The following HSF1 variants were observed in gnomAD, a reference collection of about 807,000 sequenced individuals.
HSF1 encodes the protein heat shock factor protein 1.
Under a neutral mutation model 51.7 loss-of-function variants are expected in HSF1, and 32 were observed. The ratio of observed to expected loss-of-function variants is 0.62; its 90% confidence interval spans 0.47 to 0.83. The LOEUF (loss-of-function observed/expected upper bound fraction) is 0.83, where lower values mean the gene tolerates loss of function less well. Ranked by LOEUF, HSF1 falls within the 40% of genes least tolerant of loss-of-function variation. The pLI is 0.00. For missense variants in HSF1, 727 were observed against 717.0 expected (o/e 1.01, Z -0.16); for synonymous variants, 396 against 309.7 (o/e 1.28, Z -2.92).
intron 2 of HSF1, 27 bp downstream of exon 2, chr8:144,309,041 G>GTCT: frequency 1.3e-6 from 2 of 1,539,304 alleles, no homozygotes; most frequent in Non-Finnish European, 1.8e-6. Flanking sequence ...GGCAGCGCAG[G>GTCT]GGTGCGGGAG....
chr8:144,300,907 A>C (rs150253719), intron 1 of HSF1, among the ~76,000 whole-genome samples: 2 of 152,322 alleles, frequency 1.3e-5, no homozygotes, highest in East Asian at 3.8e-4. Flanking sequence ...CATGTATTCT[A>C]AAGTAAAAAG....
In HSF1 at chr8:144,311,994, A is replaced by C. The variant is rs1554844780; in HGVS notation, c.892A>C (p.Lys298Gln). 4.4e-6 allele frequency: 7 copies of C among 1,593,486 alleles called. No individual in the cohort carries two copies. Among genetic ancestry groups the C allele is most frequent in the South Asian group, 2.2e-5 (2 of 89,624 alleles). The change falls in exon 9 of 13, where the codon AAG (lysine) becomes CAG (glutamine). Residue 298 changes from lysine (K) to glutamine (Q), a missense_variant. Around this residue, in one of 2 missense-constraint regions of HSF1, gnomAD observed 470 missense variants for 398.8 expected, o/e 1.18. Transcript: ENST00000528838. Reference sequence around the variant, plus strand: ...ATCCAGCAGCCCCCTGGTGCGTGTCAAGGAGGAGCCCCCCAGCCCGCCTCA... The same window carrying C: ...ATCCAGCAGCCCCCTGGTGCGTGTCCAGGAGGAGCCCCCCAGCCCGCCTCA... ...PLSSSPLVRV[K>Q]EEPPSPPQSP...
Position 144,301,904 on chromosome 8 carries a change from G to GC in HSF1, c.118-7002_118-7001insC, listed in dbSNP as rs1564614910. On this transcript the variant is annotated intron_variant, in intron 1 of 12. Transcript: ENST00000528838. ...GCATCCAGAAGAGCCGTGCACGGTG[G>GC]TGGTGCCTGTGGTGCCAGCTACTCA... Among the ~76,000 whole-genome samples, 89 of 150,196 alleles carry GC rather than the reference G, an allele frequency of 5.9e-4. 6 individuals are homozygous for GC. In the South Asian group the frequency reaches 0.013, roughly 22 times the overall value.
At chr8:144,300,895 G>A (rs545051030) in intron 1 of HSF1, among the ~76,000 whole-genome samples, 1 of 152,276 alleles carries the variant, frequency 6.6e-6, no homozygotes, top group Admixed American at 6.5e-5. Context: ...ACTGGTGTAG[G>A]GCATGTATTC....
rs1554844818 is a variant in HSF1, at chr8:144,312,033, G to A, written c.931G>A (p.Glu311Lys). Reference sequence around the variant, plus strand: ...CAGCCCGCCTCAGAGCCCCCGGGTAGAGGAGGCGAGTCCCGGGCGCCCATC... The same window carrying A: ...CAGCCCGCCTCAGAGCCCCCGGGTAAAGGAGGCGAGTCCCGGGCGCCCATC... ...PPSPPQSPRV[E>K]EASPGRPSSV... Residue 311 changes from glutamate (E) to lysine (K), a missense_variant, in exon 9 of 13, where the codon GAG becomes AAG. Around this residue, in one of 2 missense-constraint regions of HSF1, gnomAD observed 470 missense variants for 398.8 expected, o/e 1.18. Transcript: ENST00000528838. 6.2e-7 allele frequency: 1 copy of A among 1,608,062 alleles called. No individual in the cohort carries two copies. Among genetic ancestry groups the A allele is most frequent in the Admixed American group, 1.7e-5 (1 of 59,906 alleles).
At chr8:144,299,432 TTC>T (rs1815707885) in intron 1 of HSF1, among the ~76,000 whole-genome samples, 2 of 125,170 alleles carry the variant, frequency 1.6e-5, no homozygotes, top group Non-Finnish European at 3.8e-5. Flanking sequence ...GCAAGACTCC[TTC>T]TAAAAAAAAA....
chr8:144,313,461 G>A, intron 9 of HSF1, 50 bp from the exon 10 acceptor site: 1 of 1,218,110 alleles, frequency 8.2e-7, no homozygotes, highest in Non-Finnish European at 1.2e-6. Context: ...GAGGGCATTG[G>A]GGTGTGGGGC....
intron 1 of HSF1, among the ~76,000 whole-genome samples, chr8:144,306,806 T>C (rs1816255205): frequency 6.6e-6 from 1 of 152,246 alleles, no homozygotes; most frequent in Non-Finnish European, 1.5e-5. Context: ...GTTGCGTTCT[T>C]TCTTGTTTAT....
In HSF1 at chr8:144,312,639, C is replaced by T. The variant is rs1450281847; in HGVS notation, c.1142+395C>T. 6 of 1,535,288 alleles carry T rather than the reference C, an allele frequency of 3.9e-6. No homozygotes were observed. In the East Asian group the frequency reaches 9.8e-5, roughly 25 times the overall value. On this transcript the variant is annotated intron_variant, in intron 9 of 12. Transcript: ENST00000528838. ...TTTGTATCTTGCAGTTTGGCTCGCA[C>T]TCCACAGATGTCTAGGGTCGCCCGC...
At chr8:144,306,602 A>T (rs1554843361) in intron 1 of HSF1, among the ~76,000 whole-genome samples, 1 of 151,668 alleles carries the variant, frequency 6.6e-6, no homozygotes, top group Non-Finnish European at 1.5e-5. Context: ...AGCTTGAGCA[A>T]CCCACCCGCC....
At chr8:144,313,166 G>A in intron 9 of HSF1, 1 of 384,780 alleles carries the variant, frequency 2.6e-6, no homozygotes, top group Non-Finnish European at 4.8e-6. Context: ...AGCCCCACCT[G>A]TTTTCCCAGT....
rs1554846153 is a variant in HSF1 at position 144,314,243 on chromosome 8, C to T, written c.1503C>T (p.Ser501=). ...LFELGEGSYF[S]EGDGFAEDPT... ...AGCTGGGAGAGGGCTCCTACTTCTCCGAAGGGGACGGCTTCGCCGAGGACC... is the reference window on the plus strand; with the variant it reads ...AGCTGGGAGAGGGCTCCTACTTCTCTGAAGGGGACGGCTTCGCCGAGGACC... Residue 501 remains serine, a synonymous_variant, in exon 13 of 13, where the codon TCC becomes TCT. Transcript: ENST00000528838. The T allele has an allele frequency of 3.9e-6, 6 of 1,550,464 alleles. No homozygotes were observed. The highest frequency in any genetic ancestry group is 1.2e-5 in the South Asian group (1 of 84,074).
At chr8:144,306,111 C>T (rs1322440541) in intron 1 of HSF1, among the ~76,000 whole-genome samples, 1 of 152,156 alleles carries the variant, frequency 6.6e-6, no homozygotes, top group Non-Finnish European at 1.5e-5. Context: ...CAATTTTTAT[C>T]TCTTTATTGA....
Position 144,313,929 on chromosome 8 carries a change from G to A in HSF1, c.1314+18G>A, listed in dbSNP as rs782643924. Reference sequence around the variant, plus strand: ...TGGCCAGTGTGCGTAGGCGGGCGGGGGGTGAGGGGGAACGAGACCAGCGGG... The same window carrying A: ...TGGCCAGTGTGCGTAGGCGGGCGGGAGGTGAGGGGGAACGAGACCAGCGGG... On this transcript the variant is annotated intron_variant, in intron 11 of 12. Coordinates refer to ENST00000528838, the MANE Select transcript of HSF1 (RefSeq NM_005526.4). 1.9e-5 allele frequency: 30 copies of A among 1,610,168 alleles called. No homozygotes were observed. The highest frequency in any genetic ancestry group is 2.4e-5 in the Non-Finnish European group (28 of 1,179,212).
chr8:144,296,612 C>T lies in HSF1; in HGVS notation c.117+4738C>T, dbSNP rs371537702. ...AGGAGGTCAGGAGATTGAGACCATC[C>T]TGGCTAACATGGTGAAACCCCGTCT... On this transcript the variant is annotated intron_variant, in intron 1 of 12. Transcript: ENST00000528838. Among the ~76,000 whole-genome samples the T allele has an allele frequency of 2.6e-5, 4 of 152,204 alleles. No homozygotes were observed. The East Asian group carries it at 7.7e-4, about 29-fold the overall frequency.
intron 1 of HSF1, among the ~76,000 whole-genome samples, chr8:144,293,805 G>A (rs1421164058): frequency 6.7e-6 from 1 of 150,012 alleles, no homozygotes; most frequent in Non-Finnish European, 1.5e-5. Context: ...TTGGGGGAGG[G>A]GCATCCGCGA....
At position 144,314,163 on chromosome 8, in the gene HSF1, C is replaced by T. The variant is rs371499162; in HGVS notation, c.1423C>T (p.Leu475=). 5.0e-5 allele frequency: 78 copies of T among 1,548,680 alleles called. 1 individual carries two copies. The highest frequency in any genetic ancestry group is 3.3e-4 in the African/African-American group (24 of 72,672). ...LVHYTAQPLF[L]LDPGSVDTGS... ...GCACTACACAGCGCAGCCGCTGTTCCTGCTGGACCCCGGCTCCGTGGACAC... is the reference window on the plus strand; with the variant it reads ...GCACTACACAGCGCAGCCGCTGTTCTTGCTGGACCCCGGCTCCGTGGACAC... The change falls in exon 13 of 13, where the codon CTG becomes TTG. Residue 475 remains leucine (L), a synonymous_variant. Transcript: ENST00000528838.
chr8:144,313,676 TCCCCGCCCCG>T (rs1412955650), intron 10 of HSF1, 60 bp downstream of exon 10: 1 of 69,496 alleles, frequency 1.4e-5, no homozygotes, highest in Non-Finnish European at 2.4e-5. Context: ...CCGCCCCGCC[TCCCCGCCCCG>T]CCTCCCCGCC....
At chr8:144,313,379 C>A (rs1036685438) in intron 9 of HSF1, 132 bp from the exon 10 acceptor site, 1 of 642,814 alleles carries the variant, frequency 1.6e-6, no homozygotes, top group Non-Finnish European at 2.8e-6. Context: ...TGCGCTGCCC[C>A]CTCCAGCCTG....
Sources: gnomAD v4.1 joint callset for allele counts (sites outside exome capture counted in the v4.1 genomes callset) on GRCh38, gnomAD v4.1.1 for gene constraint, gnomAD v4.1.1 regional missense constraint, MANE v1.5 for transcripts, NCBI Gene and HGNC (gene_info 2026-07-23, HGNC 2026-07-21) for gene names.